The following SCAI variants were observed in gnomAD, a reference collection of about 807,000 sequenced individuals.
The protein encoded by SCAI is protein SCAI.
Under a neutral mutation model 92.2 loss-of-function variants are expected in SCAI, and 24 were observed. The ratio of observed to expected loss-of-function variants is 0.26; its 90% CI spans 0.19 to 0.37. The LOEUF is 0.37. SCAI is among the 10% of genes least tolerant of loss of function. The pLI, the probability that SCAI is intolerant of heterozygous loss-of-function variation, is 1.00. For missense variants in SCAI, 450 were observed against 736.2 expected, an observed-to-expected ratio of 0.61 and a Z score of 4.50; for synonymous variants, 261 against 258.6, an observed-to-expected ratio of 1.01 and a Z score of -0.09.
chr9:124,986,814 A>G (rs1376707103), intron 14 of SCAI, among the ~76,000 whole-genome samples: 3 of 152,222 alleles, frequency 2.0e-5, no homozygotes, highest in Non-Finnish European at 4.4e-5. Flanking sequence ...GAGCTCTTAC[A>G]TAACTGAATC....
intron 2 of SCAI, among the ~76,000 whole-genome samples, chr9:125,131,749 A>G (rs1380997266): frequency 6.6e-6 from 1 of 152,170 alleles, no homozygotes; most frequent in Non-Finnish European, 1.5e-5. Context: ...CTTTACCAAA[A>G]CCACTGCATT....
intron 5 of SCAI, among the ~76,000 whole-genome samples, chr9:125,028,091 C>A (rs1257120076): frequency 6.6e-6 from 1 of 152,132 alleles, no homozygotes; most frequent in East Asian, 1.9e-4. Context: ...ACAAGTGAAG[C>A]TGCAAGAACA....
chr9:124,981,383 T>C (rs550790674), intron 14 of SCAI, among the ~76,000 whole-genome samples: 1 of 152,370 alleles, frequency 6.6e-6, no homozygotes, highest in South Asian at 2.1e-4. Context: ...GTTATTGTTT[T>C]ATTTGGGGAA....
rs1195663083 is a variant in SCAI at position 125,032,170 on chromosome 9, A to AATATATAT, written c.231-2439_231-2432dup. Among the ~76,000 whole-genome samples the AATATATAT allele has an allele frequency of 1.7e-3, 201 of 118,694 alleles. 3 individuals are homozygous for AATATATAT. Among genetic ancestry groups the AATATATAT allele is most frequent in the African/African-American group, 5.3e-3 (150 of 28,250 alleles). 77.9% of individuals were successfully genotyped at this position (118,694 alleles called of 152,430 possible). ...CACTCAAATGTTTAATAGTAAAATG[A>AATATATAT]ATATATATATATATATATATATATA... On this transcript the variant is annotated intron_variant, in intron 3 of 17. Transcript: ENST00000336505.
At chr9:125,054,863 CAG>C (rs999627588) in intron 3 of SCAI, among the ~76,000 whole-genome samples, 3 of 152,066 alleles carry the variant, frequency 2.0e-5, no homozygotes, top group African/African-American at 7.2e-5. Context: ...CAGTGACAAA[CAG>C]GGGCCTGCTC....
At chr9:125,106,095 T>A (rs1834773457) in intron 2 of SCAI, among the ~76,000 whole-genome samples, 1 of 8,780 alleles carries the variant, frequency 1.1e-4, no homozygotes, top group Non-Finnish European at 1.7e-4. Context: ...AGACTCCATC[T>A]CAAAAAAAAA....
intron 9 of SCAI, among the ~76,000 whole-genome samples, chr9:125,010,649 T>C (rs550702629): frequency 1.6e-3 from 240 of 152,320 alleles, no homozygotes; most frequent in Middle Eastern, 3.4e-3. Flanking sequence ...CAGACTTAAA[T>C]GTCCCTGTCT....
intron 14 of SCAI, among the ~76,000 whole-genome samples, chr9:124,989,201 A>G (rs919583302): frequency 9.9e-5 from 15 of 152,160 alleles, no homozygotes; most frequent in African/African-American, 3.6e-4. Context: ...AATCACTAAG[A>G]AGAAAGAGAA....
chr9:125,128,769 T>A (rs1835334138), intron 2 of SCAI, among the ~76,000 whole-genome samples: 2 of 133,900 alleles, frequency 1.5e-5, no homozygotes, highest in Non-Finnish European at 3.2e-5. Flanking sequence ...AAAAAATAAA[T>A]AATTGAATTC....
chr9:125,068,392 C>T (rs931431539), intron 2 of SCAI, among the ~76,000 whole-genome samples: 2 of 151,874 alleles, frequency 1.3e-5, no homozygotes, highest in Non-Finnish European at 2.9e-5. Flanking sequence ...TCCAGCTACT[C>T]GGGAAGCTGA....
At chr9:125,135,130 AG>A (rs370819449) in intron 2 of SCAI, among the ~76,000 whole-genome samples, 4 of 152,332 alleles carry the variant, frequency 2.6e-5, no homozygotes, top group African/African-American at 9.6e-5. Context: ...GCTCCCCCTT[AG>A]TACCTTATAA....
chr9:124,973,258 G>C (rs1320157401), intron 15 of SCAI, among the ~76,000 whole-genome samples: 1 of 152,088 alleles, frequency 6.6e-6, no homozygotes, highest in East Asian at 1.9e-4. Flanking sequence ...TTGAATTTTG[G>C]AGCATTTCAG....
intron 14 of SCAI, among the ~76,000 whole-genome samples, chr9:124,980,679 G>C (rs1383360422): frequency 6.6e-6 from 1 of 152,174 alleles, no homozygotes; most frequent in African/African-American, 2.4e-5. Flanking sequence ...GGGTAATTAA[G>C]TGTATCCTGT....
chr9:125,061,311 C>T lies in SCAI; in HGVS notation c.99-5304G>A, dbSNP rs138624378. Among the ~76,000 whole-genome samples, 6 of 152,042 alleles carry T rather than the reference C, an allele frequency of 3.9e-5. No individual in the cohort carries two copies. In the East Asian group the frequency reaches 1.2e-3, roughly 29 times the overall value. ...GACTCCGTCTCAAAAAAAAAAAAGTCCTTAAGGGCTAAACCCATGTTACAT... is the reference window on the plus strand; with the variant it reads ...GACTCCGTCTCAAAAAAAAAAAAGTTCTTAAGGGCTAAACCCATGTTACAT... On this transcript the variant is annotated intron_variant, in intron 2 of 17. Transcript: ENST00000336505.
chr9:124,960,748 A>C (rs1831420407), intron 17 of SCAI, among the ~76,000 whole-genome samples: 2 of 152,240 alleles, frequency 1.3e-5, no homozygotes, highest in Non-Finnish European at 2.9e-5. Context: ...TTTAGGTTAC[A>C]CAGATGTATT....
intron 17 of SCAI, chr9:124,968,930 C>G: frequency 2.9e-6 from 1 of 339,970 alleles, no homozygotes; most frequent in Non-Finnish European, 5.4e-6. Flanking sequence ...AAAATTTTTC[C>G]AATTTATTTT....
At chr9:125,111,575 A>G (rs1285575703) in intron 2 of SCAI, among the ~76,000 whole-genome samples, 1 of 147,770 alleles carries the variant, frequency 6.8e-6, no homozygotes, top group Non-Finnish European at 1.5e-5. Flanking sequence ...TTTTTTTTTT[A>G]GTCCATCAGC....
chr9:125,020,637 A>C, intron 7 of SCAI, 36 bp downstream of exon 7: 4 of 910,108 alleles, frequency 4.4e-6, no homozygotes, highest in Non-Finnish European at 6.9e-6. Context: ...ATATACAACT[A>C]GAGATTAGAA....
intron 2 of SCAI, among the ~76,000 whole-genome samples, chr9:125,117,426 G>C (rs562071147): frequency 6.6e-6 from 1 of 152,206 alleles, no homozygotes; most frequent in African/African-American, 2.4e-5. Context: ...AGCACTTTGG[G>C]AGGCTGAGGT....
Sources: gnomAD v4.1 joint callset for allele counts (sites outside exome capture counted in the v4.1 genomes callset) on GRCh38, gnomAD v4.1.1 for gene constraint, MANE v1.5 for transcripts, NCBI Gene and HGNC (gene_info 2026-07-23, HGNC 2026-07-21) for gene names.